Variants in TSHB observed in about 807,000 individuals in gnomAD.
The protein encoded by TSHB is thyroid stimulating hormone subunit beta, also known as thyrotropin subunit beta.
In TSHB, 9 loss-of-function variants were observed where a neutral mutation model predicts 9.3. That is an observed-to-expected ratio of 0.97 (90% CI 0.58 to 1.69). The LOEUF is 1.69. Among genes scored for constraint, TSHB ranks in the 40% most tolerant of loss-of-function variants. The probability of loss-of-function intolerance (pLI) is 0.00; values close to 1 mark genes in which losing one functional copy is unlikely to be tolerated. For missense variants in TSHB, 182 were observed against 168.5 expected, an observed-to-expected ratio of 1.08 and a Z score of -0.44; for synonymous variants, 57 against 57.2, an observed-to-expected ratio of 1.00 and a Z score of 0.01.
Position 115,033,350 on chromosome 1 carries a change from T to G in TSHB, c.-1-12T>G. ...TTAACAAATAGGTTCTTTAATTTTA[T>G]CTTTGATTTAGCATGACTGCTCTCT... On this transcript the variant is annotated splice_polypyrimidine_tract_variant and intron_variant, in intron 1 of 2. Transcript: ENST00000256592. 6.2e-7 allele frequency: 1 copy of G among 1,612,986 alleles called. No homozygotes were observed. Among genetic ancestry groups the G allele is most frequent in the Non-Finnish European group, 8.5e-7 (1 of 1,179,250 alleles).
At chr1:115,033,220 G>T in intron 1 of TSHB, 142 bp from the exon 2 acceptor site, 1 of 764,600 alleles carries the variant, frequency 1.3e-6, no homozygotes, top group Non-Finnish European at 2.1e-6. Context: ...TATCTTTCTG[G>T]TGTCTTCCTT....
At position 115,034,034 on chromosome 1, in the gene TSHB, G is replaced by A. The variant is rs748231565; in HGVS notation, c.224G>A (p.Arg75Lys). The change falls in exon 3 of 3, where the codon AGA becomes AAA. Residue 75 changes from arginine to lysine, a missense_variant. By Grantham distance (26) the Arg-to-Lys change is conservative. Transcript: ENST00000256592. ...CTGTCCCAGGATGTTTGCACATATA[G>A]AGACTTCATCTACAGGACTGTAGAA... is the stretch of plus-strand genomic sequence containing the variant. ...YALSQDVCTYRDFIYRTVEIP... is the reference protein window; with the variant it reads ...YALSQDVCTYKDFIYRTVEIP... 3.3e-5 allele frequency: 54 copies of A among 1,613,660 alleles called. No individual in the cohort carries two copies. The highest frequency in any genetic ancestry group is 4.2e-5 in the Non-Finnish European group (50 of 1,179,758).
intron 2 of TSHB, 30 bp from the exon 3 acceptor site, chr1:115,033,943 A>G (rs774997027): frequency 1.8e-5 from 29 of 1,611,076 alleles, no homozygotes; most frequent in Non-Finnish European, 2.5e-5. Context: ...GTCCTGTCAC[A>G]TTATGCTCTC....
chr1:115,032,486 T>C (rs1296781648), intron 1 of TSHB, among the ~76,000 whole-genome samples: 2 of 152,034 alleles, frequency 1.3e-5, no homozygotes, highest in Non-Finnish European at 2.9e-5. Context: ...AACAAGTTTA[T>C]GTTCATAGAC....
intron 2 of TSHB, 79 bp downstream of exon 2, chr1:115,033,603 G>T: frequency 7.5e-7 from 1 of 1,325,130 alleles, no homozygotes; most frequent in Non-Finnish European, 1.1e-6. Context: ...GAAAGGAAAT[G>T]AAATAAATCA....
At chr1:115,031,584 G>GA (rs1674894779) in intron 1 of TSHB, among the ~76,000 whole-genome samples, 1 of 151,974 alleles carries the variant, frequency 6.6e-6, no homozygotes, top group Non-Finnish European at 1.5e-5. Context: ...GTTTCCTATA[G>GA]AAAAAACTCA....
rs369535357 is a variant in TSHB at position 115,033,455 on chromosome 1, C to G, written c.93C>G (p.Ile31Met). The part of the protein sequence containing the change: ...FCIPTEYTMH[I>M]ERRECAYCLT... Reference sequence around the variant, plus strand: ...TTCCAACTGAGTATACAATGCACATCGAAAGGAGAGAGTGTGCTTATTGCC... The same window carrying G: ...TTCCAACTGAGTATACAATGCACATGGAAAGGAGAGAGTGTGCTTATTGCC... Residue 31 changes from isoleucine to methionine, a missense_variant, in exon 2 of 3, where the codon ATC (isoleucine) becomes ATG (methionine). Coordinates refer to ENST00000256592, the MANE Select transcript of TSHB (RefSeq NM_000549.5). 2 of 1,612,774 alleles carry G rather than the reference C, an allele frequency of 1.2e-6. No individual in the cohort carries two copies. The highest frequency in any genetic ancestry group is 1.7e-6 in the Non-Finnish European group (2 of 1,178,882).
At chr1:115,033,546 T>C in intron 2 of TSHB, 22 bp downstream of exon 2, 3 of 1,605,130 alleles carry the variant, frequency 1.9e-6, no homozygotes, top group Non-Finnish European at 2.6e-6. Context: ...ATGTCACTTC[T>C]TTTGGCTGTA....
chr1:115,031,601 G>A (rs961997280), intron 1 of TSHB, among the ~76,000 whole-genome samples: 16 of 151,980 alleles, frequency 1.1e-4, no homozygotes, highest in African/African-American at 3.9e-4. Context: ...CTCAGTAGCT[G>A]GCTGTCTAAA....
At position 115,034,059 on chromosome 1, in the gene TSHB, A is replaced by T. The variant is rs745574659; in HGVS notation, c.249A>T (p.Glu83Asp). 1 of 1,613,824 alleles carries T rather than the reference A, an allele frequency of 6.2e-7. No individual in the cohort carries two copies. Among genetic ancestry groups the T allele is most frequent in the South Asian group, 1.1e-5 (1 of 91,076 alleles). ...TYRDFIYRTV[E>D]IPGCPLHVAP... ...GAGACTTCATCTACAGGACTGTAGA[A>T]ATACCAGGATGCCCACTCCATGTTG... The change falls in exon 3 of 3, where the codon GAA becomes GAT. Residue 83 changes from glutamate to aspartate, a missense_variant. Transcript: ENST00000256592.
chr1:115,034,064 C>A lies in TSHB; in HGVS notation c.254C>A (p.Pro85Gln), dbSNP rs775078075. 4.3e-6 allele frequency: 7 copies of A among 1,613,684 alleles called. No individual in the cohort carries two copies. The South Asian group carries it at 5.5e-5, about 13-fold the overall frequency. The change falls in exon 3 of 3, where the codon CCA becomes CAA. Residue 85 changes from proline (P) to glutamine (Q), a missense_variant. Coordinates refer to ENST00000256592, the MANE Select transcript of TSHB (RefSeq NM_000549.5). ...RDFIYRTVEIPGCPLHVAPYF... is the reference protein window; with the variant it reads ...RDFIYRTVEIQGCPLHVAPYF... ...TTCATCTACAGGACTGTAGAAATAC[C>A]AGGATGCCCACTCCATGTTGCTCCC...
rs1480016900 is a variant in TSHB at position 115,033,371 on chromosome 1, T to G, written c.9T>G (p.Ala3=). The change falls in exon 2 of 3, where the codon GCT becomes GCG. Residue 3 remains alanine, a synonymous_variant. Transcript: ENST00000256592. ...TTTATCTTTGATTTAGCATGACTGC[T>G]CTCTTTCTGATGTCCATGCTTTTTG... MT[A]LFLMSMLFGL... is the part of the protein sequence containing the mutation. The G allele has an allele frequency of 1.2e-6, 2 of 1,613,394 alleles. No individual in the cohort carries two copies. Among genetic ancestry groups the G allele is most frequent in the Non-Finnish European group, 1.7e-6 (2 of 1,179,442 alleles).
chr1:115,030,018 A>C (rs952962107), intron 1 of TSHB, among the ~76,000 whole-genome samples, 158 bp downstream of exon 1: 4 of 152,092 alleles, frequency 2.6e-5, no homozygotes, highest in Admixed American at 1.3e-4. Flanking sequence ...CAAATTGTTT[A>C]GTAGTAGATG....
intron 2 of TSHB, 184 bp from the exon 3 acceptor site, chr1:115,033,789 G>GTCTC (rs1254815141): frequency 3.1e-6 from 1 of 320,842 alleles, no homozygotes; most frequent in Non-Finnish European, 4.5e-6. Flanking sequence ...AGAGAGGAGG[G>GTCTC]TCTCACTTTT....
At chr1:115,032,906 T>A (rs900816993) in intron 1 of TSHB, among the ~76,000 whole-genome samples, 1 of 151,954 alleles carries the variant, frequency 6.6e-6, no homozygotes, top group Admixed American at 6.6e-5. Context: ...GCACTGTGGA[T>A]CCTCTATTTT....
At chr1:115,033,551 G>T in intron 2 of TSHB, 27 bp downstream of exon 2, 1 of 1,600,406 alleles carries the variant, frequency 6.2e-7, no homozygotes, top group African/African-American at 1.3e-5. Context: ...ACTTCTTTTG[G>T]CTGTAAATTA....
At chr1:115,033,890 G>A in intron 2 of TSHB, 83 bp from the exon 3 acceptor site, 4 of 1,552,048 alleles carry the variant, frequency 2.6e-6, no homozygotes, top group Non-Finnish European at 3.5e-6. Flanking sequence ...AGGAATATAA[G>A]TGAATTTATT....
intron 1 of TSHB, among the ~76,000 whole-genome samples, chr1:115,032,313 G>A (rs112506546): frequency 0.022 from 3,294 of 151,970 alleles, 49 homozygotes; most frequent in Non-Finnish European, 0.036. Flanking sequence ...AAAAATCCTG[G>A]TTAACCAAGG....
At position 115,034,289 on chromosome 1, in the gene TSHB, T is replaced by C; in HGVS notation, c.*62T>C. 6.5e-7 allele frequency: 1 copy of C among 1,538,744 alleles called. No individual in the cohort carries two copies. The highest frequency in any genetic ancestry group is 9.0e-7 in the Non-Finnish European group (1 of 1,112,948). On this transcript the variant is annotated 3_prime_UTR_variant, in exon 3 of 3. Transcript: ENST00000256592. Reference sequence around the variant, plus strand: ...CCTGAAATAAAGCTAATAAAAATATTATGTTTCACATTATCTTCTGTTCAT... The same window carrying C: ...CCTGAAATAAAGCTAATAAAAATATCATGTTTCACATTATCTTCTGTTCAT...
Sources: gnomAD v4.1 joint callset for allele counts (sites outside exome capture counted in the v4.1 genomes callset) on GRCh38, gnomAD v4.1.1 for gene constraint, MANE v1.5 for transcripts, NCBI Gene and HGNC (gene_info 2026-07-23, HGNC 2026-07-21) for gene names.